FGF2: variants seen among roughly 807,000 people sequenced by gnomAD.
FGF2 encodes the protein basic fibroblast growth factor bFGF.
Under a neutral mutation model 15.9 loss-of-function variants are expected in FGF2, and 13 were observed. The observed-to-expected ratio is 0.82, with a 90% CI of 0.53 to 1.30. The LOEUF is 1.30. Ranked by LOEUF, FGF2 falls within the 50% of genes most tolerant of loss-of-function variation. The probability of loss-of-function intolerance (pLI) is 0.00; values close to 1 mark genes in which losing one functional copy is unlikely to be tolerated. For missense variants in FGF2, 163 were observed against 196.9 expected (o/e 0.83, Z 1.03); for synonymous variants, 90 against 78.4 (o/e 1.15, Z -0.78).
At chr4:122,858,732 C>T (rs1011358127) in intron 1 of FGF2, among the ~76,000 whole-genome samples, 1 of 151,974 alleles carries the variant, frequency 6.6e-6, no homozygotes, top group African/African-American at 2.4e-5. Flanking sequence ...CCTCCTTTGT[C>T]AGTTATCTAT....
At chr4:122,873,358 C>A (rs774540535) in intron 1 of FGF2, among the ~76,000 whole-genome samples, 1 of 152,246 alleles carries the variant, frequency 6.6e-6, no homozygotes, top group Non-Finnish European at 1.5e-5. Context: ...TGAAGAGGAT[C>A]TCTTAGCCCT....
intron 1 of FGF2, among the ~76,000 whole-genome samples, chr4:122,856,507 T>TTAAAA (rs1726343900): frequency 6.6e-6 from 1 of 152,220 alleles, no homozygotes. Context: ...GGAATCTTAT[T>TTAAAA]TATATTGCTT....
At chr4:122,836,402 C>T (rs189550391) in intron 1 of FGF2, among the ~76,000 whole-genome samples, 4 of 152,262 alleles carry the variant, frequency 2.6e-5, no homozygotes, top group Admixed American at 2.6e-4. Flanking sequence ...TCCAGTCATG[C>T]TTTGGGCCTT....
chr4:122,849,200 C>G (rs1037168122), intron 1 of FGF2, among the ~76,000 whole-genome samples: 1 of 152,136 alleles, frequency 6.6e-6, no homozygotes, highest in African/African-American at 2.4e-5. Flanking sequence ...ATGTTCCCAA[C>G]CAAAGTGCCC....
At chr4:122,862,089 G>A (rs775867524) in intron 1 of FGF2, among the ~76,000 whole-genome samples, 1 of 152,106 alleles carries the variant, frequency 6.6e-6, no homozygotes, top group Non-Finnish European at 1.5e-5. Flanking sequence ...GTTCCTTAAG[G>A]CTAAAGACCA....
chr4:122,853,052 C>A (rs1370825304), intron 1 of FGF2, among the ~76,000 whole-genome samples: 1 of 152,176 alleles, frequency 6.6e-6, no homozygotes. Context: ...AATCCCAGTA[C>A]TTTAGGAGGC....
At chr4:122,833,887 A>G (rs1560735624) in intron 1 of FGF2, among the ~76,000 whole-genome samples, 1 of 152,234 alleles carries the variant, frequency 6.6e-6, no homozygotes, top group Non-Finnish European at 1.5e-5. Context: ...TTTTCTTAGA[A>G]TAATCTAGAG....
At chr4:122,877,325 C>T (rs1726877223) in intron 2 of FGF2, among the ~76,000 whole-genome samples, 1 of 152,194 alleles carries the variant, frequency 6.6e-6, no homozygotes, top group African/African-American at 2.4e-5. Context: ...GTTGGCTGGG[C>T]TGGTCCTGAA....
At chr4:122,850,725 G>T (rs909770224) in intron 1 of FGF2, among the ~76,000 whole-genome samples, 2 of 152,050 alleles carry the variant, frequency 1.3e-5, no homozygotes, top group Admixed American at 1.3e-4. Context: ...GACTCTTAGC[G>T]CTCTCTTCAG....
intron 1 of FGF2, among the ~76,000 whole-genome samples, chr4:122,863,328 A>G (rs1344883518): frequency 2.6e-5 from 4 of 152,094 alleles, no homozygotes; most frequent in Non-Finnish European, 5.9e-5. Context: ...TTTTCATGTC[A>G]TGTCTTCCTT....
At chr4:122,832,313 GTGGCACAATCT>G (rs1197143324) in intron 1 of FGF2, among the ~76,000 whole-genome samples, 3 of 152,172 alleles carry the variant, frequency 2.0e-5, no homozygotes, top group African/African-American at 7.2e-5. Flanking sequence ...CTGGAGTGCA[GTGGCACAATCT>G]CAGCTCACTA....
intron 2 of FGF2, among the ~76,000 whole-genome samples, chr4:122,885,845 T>G (rs1277512285): frequency 6.6e-6 from 1 of 151,870 alleles, no homozygotes; most frequent in Non-Finnish European, 1.5e-5. Context: ...TTGATTACTT[T>G]GATAGTTTGA....
At position 122,831,170 on chromosome 4, in the gene FGF2, G is replaced by T. The variant is rs535040150; in HGVS notation, c.178+3818G>T. ...ACCAATTACTCAAGTTCACTTGTGG[G>T]TTTCCTCTTTTTTTATCCTGAATGA... On this transcript the variant is annotated intron_variant, in intron 1 of 2. Transcript: ENST00000644866. Among the ~76,000 whole-genome samples the T allele has an allele frequency of 9.2e-5, 14 of 152,302 alleles. 1 individual carries two copies. In the East Asian group the frequency reaches 2.7e-3, roughly 29 times the overall value.
rs1159647421 is a variant in FGF2 at position 122,895,089 on chromosome 4, G to A, written c.*2693G>A. 1.3e-5 allele frequency: 2 copies of A among 152,170 alleles called. No individual in the cohort carries two copies. The highest frequency in any genetic ancestry group is 4.8e-5 in the African/African-American group (2 of 41,440). The allele number at this position is 152,170 out of a possible 1,614,324, so 9.4% of individuals were successfully genotyped here. A position where few individuals can be genotyped will look rare whatever the true frequency, so the allele number is the denominator to read the frequency against. ...TTGAATCACTAACTGACTGAAAATTGAATGGGCAAATAAGTGCTTTTGTCT... is the reference window on the plus strand; with the variant it reads ...TTGAATCACTAACTGACTGAAAATTAAATGGGCAAATAAGTGCTTTTGTCT... On this transcript the variant is annotated 3_prime_UTR_variant, in exon 3 of 3. Coordinates refer to ENST00000644866, the MANE Select transcript of FGF2 (RefSeq NM_001361665.2).
At position 122,868,165 on chromosome 4, in the gene FGF2, T is replaced by A. The variant is rs554955312; in HGVS notation, c.179-8156T>A. Among the ~76,000 whole-genome samples, 6 of 152,270 alleles carry A rather than the reference T, an allele frequency of 3.9e-5. No individual in the cohort carries two copies. The East Asian group carries it at 5.8e-4, about 15-fold the overall frequency. Reference sequence around the variant, plus strand: ...TTTTGCTATTTTTCTTTTTTTAAAATTTCTTCTAAAAAAATGGGATACATA... The same window carrying A: ...TTTTGCTATTTTTCTTTTTTTAAAAATTCTTCTAAAAAAATGGGATACATA... On this transcript the variant is annotated intron_variant, in intron 1 of 2. Coordinates refer to ENST00000644866, the MANE Select transcript of FGF2 (RefSeq NM_001361665.2).
rs1165309821 is a variant in FGF2, at chr4:122,826,881, G to A, written c.-294G>A. On this transcript the variant is annotated 5_prime_UTR_variant, in exon 1 of 3. Transcript: ENST00000644866. ...CGGTTGCAACGGGATCCCGGGCGCT[G>A]CAGCTTGGGAGGCGGCTCTCCCCAG... The A allele has an allele frequency of 5.9e-6, 9 of 1,526,334 alleles. No individual in the cohort carries two copies. The highest frequency in any genetic ancestry group is 2.4e-5 in the South Asian group (2 of 82,070). 94.5% of individuals were successfully genotyped at this position (1,526,334 alleles called of 1,614,324 possible).
rs1347864817 is a variant in FGF2, at chr4:122,893,568, G to A, written c.*1172G>A. The A allele has an allele frequency of 5.6e-6, 1 of 177,510 alleles. No homozygotes were observed. Among genetic ancestry groups the A allele is most frequent in the Non-Finnish European group, 1.2e-5 (1 of 85,752 alleles). 11.0% of individuals were successfully genotyped at this position (177,510 alleles called of 1,614,324 possible). A position where few individuals can be genotyped will look rare whatever the true frequency, so the allele number is the denominator to read the frequency against. On this transcript the variant is annotated 3_prime_UTR_variant, in exon 3 of 3. Transcript: ENST00000644866. ...TTGAAAAGTTAAAACATTTTGCATG[G>A]CTGCAGTTCCTTTGTTTCTTGAGAT...
chr4:122,868,736 G>A (rs1726659966), intron 1 of FGF2, among the ~76,000 whole-genome samples: 1 of 152,092 alleles, frequency 6.6e-6, no homozygotes, highest in Admixed American at 6.5e-5. Flanking sequence ...TCCCACCAAC[G>A]GTGTTAAAGT....
At chr4:122,838,714 C>A (rs1411788597) in intron 1 of FGF2, among the ~76,000 whole-genome samples, 2 of 152,198 alleles carry the variant, frequency 1.3e-5, no homozygotes, top group African/African-American at 4.8e-5. Context: ...TATTCCTCTG[C>A]CCCTTCGTCT....
Sources: gnomAD v4.1 joint callset for allele counts (sites outside exome capture counted in the v4.1 genomes callset) on GRCh38, gnomAD v4.1.1 for gene constraint, MANE v1.5 for transcripts, NCBI Gene and HGNC (gene_info 2026-07-23, HGNC 2026-07-21) for gene names.